Variants in BDP1 observed in about 807,000 individuals in gnomAD.
The protein encoded by BDP1 is transcription factor TFIIIB component B'' homolog.
A neutral mutation model predicts 266.6 loss-of-function variants in BDP1; 169 were observed. The ratio of observed to expected loss-of-function variants is 0.63; its 90% CI spans 0.56 to 0.72. BDP1 has a LOEUF of 0.72. BDP1 is among the 30% of genes least tolerant of loss of function. The pLI, the probability that BDP1 is intolerant of heterozygous loss-of-function variation, is 0.00. For missense variants in BDP1, 3,015 were observed against 3,053.8 expected (o/e 0.99, Z 0.30); for synonymous variants, 1,090 against 1,022.4 (o/e 1.07, Z -1.26).
At chr5:71,559,425 ACTCT>A (rs978733337) in intron 36 of BDP1, among the ~76,000 whole-genome samples, 5 of 152,108 alleles carry the variant, frequency 3.3e-5, no homozygotes, top group East Asian at 1.9e-4. Context: ...GAGCTAAAAC[ACTCT>A]CTCTGAGAAC....
intron 38 of BDP1, chr5:71,562,881 T>C: frequency 1.5e-6 from 2 of 1,290,704 alleles, no homozygotes; most frequent in Non-Finnish European, 2.0e-6. Flanking sequence ...CTATGTCTCC[T>C]GAAGCTGTCC....
chr5:71,455,787 G>A lies in BDP1; in HGVS notation c.-91G>A. ...CTGGTGGTGTGGCTTTGTGGGGAGG[G>A]CGTAGTTCCTAATCCCCTTTCCGGG... On this transcript the variant is annotated 5_prime_UTR_variant, in exon 1 of 39. Coordinates refer to ENST00000358731, the MANE Select transcript of BDP1 (RefSeq NM_018429.3). 2 of 1,088,124 alleles carry A rather than the reference G, an allele frequency of 1.8e-6. No individual in the cohort carries two copies. Among genetic ancestry groups the A allele is most frequent in the Non-Finnish European group, 2.6e-6 (2 of 759,204 alleles). The allele number at this position is 1,088,124 out of a possible 1,614,324, so 67.4% of individuals were successfully genotyped here.
rs375702700 is a variant in BDP1 at position 71,464,154 on chromosome 5, A to G, written c.659+37A>G. 1.5e-5 allele frequency: 19 copies of G among 1,271,112 alleles called. No homozygotes were observed. In the African/African-American group the frequency reaches 1.8e-4, roughly 12 times the overall value. The allele number at this position is 1,271,112 out of a possible 1,614,324, so 78.7% of individuals were successfully genotyped here. ...ATTTTTGAATATATTCTATTCCTAC[A>G]TTTTTTAAGAAATGAGATCAAATGG... On this transcript the variant is annotated intron_variant, in intron 4 of 38. Coordinates refer to ENST00000358731, the MANE Select transcript of BDP1 (RefSeq NM_018429.3).
At chr5:71,499,994 T>G (rs1259369854) in intron 13 of BDP1, among the ~76,000 whole-genome samples, 3 of 152,202 alleles carry the variant, frequency 2.0e-5, no homozygotes, top group Admixed American at 6.5e-5. Context: ...TCCTGAATTG[T>G]TATGCATTGT....
At chr5:71,562,952 T>C (rs1242648945) in intron 38 of BDP1, 2 of 1,195,360 alleles carry the variant, frequency 1.7e-6, no homozygotes, top group Non-Finnish European at 2.1e-6. Context: ...GTAAAAATAT[T>C]GGGGTGACTT....
At position 71,524,137 on chromosome 5, in the gene BDP1, G is replaced by A. The variant is rs751771294; in HGVS notation, c.5586G>A (p.Lys1862=). 9.9e-6 allele frequency: 16 copies of A among 1,614,172 alleles called. No homozygotes were observed. Among genetic ancestry groups the A allele is most frequent in the Non-Finnish European group, 1.4e-5 (16 of 1,180,028 alleles). ...CTAAGAAGGAACCTAGAGCTTCCAAGGCCATGCTGGTGACTCTTCGGGCTT... is the reference window on the plus strand; with the variant it reads ...CTAAGAAGGAACCTAGAGCTTCCAAAGCCATGCTGGTGACTCTTCGGGCTT... ...KTSKKEPRAS[K]AMLVTLRASQ... is the part of the protein sequence containing the mutation. Residue 1862 remains lysine, a synonymous_variant, in exon 25 of 39, where the codon AAG becomes AAA. Transcript: ENST00000358731.
In BDP1 at chr5:71,524,330, T is replaced by C. The variant is rs764920414; in HGVS notation, c.5772+7T>C. 6.4e-7 allele frequency: 1 copy of C among 1,559,904 alleles called. No homozygotes were observed. Among genetic ancestry groups the C allele is most frequent in the Non-Finnish European group, 8.7e-7 (1 of 1,151,260 alleles). On this transcript the variant is annotated splice_region_variant and intron_variant, in intron 25 of 38. Transcript: ENST00000358731. ...TGAGGAAACAATGGAAGAGGTTCGGTTTTTTTTTAAAACCTTGGTACTTTA... is the reference window on the plus strand; with the variant it reads ...TGAGGAAACAATGGAAGAGGTTCGGCTTTTTTTTAAAACCTTGGTACTTTA...
chr5:71,553,917 A>T (rs755798302), intron 35 of BDP1, among the ~76,000 whole-genome samples: 2 of 152,228 alleles, frequency 1.3e-5, no homozygotes, highest in Admixed American at 6.5e-5. Context: ...CTTGAAAAAC[A>T]TACAGACTTC....
chr5:71,536,278 T>C (rs1766591928), intron 26 of BDP1, among the ~76,000 whole-genome samples: 1 of 152,238 alleles, frequency 6.6e-6, no homozygotes, highest in African/African-American at 2.4e-5. Flanking sequence ...CTGGTGACTT[T>C]CCAGCTTAAA....
rs146193245 is a variant in BDP1 at position 71,543,377 on chromosome 5, C to T, written c.6413-980C>T. On this transcript the variant is annotated intron_variant, in intron 30 of 38. Transcript: ENST00000358731. ...TTGGGAGGCAGAGGCAGGAAGATCACGTGAGCCCAGGAGTTTTGAGACCAG... is the reference window on the plus strand; with the variant it reads ...TTGGGAGGCAGAGGCAGGAAGATCATGTGAGCCCAGGAGTTTTGAGACCAG... Among the ~76,000 whole-genome samples, 951 of 152,276 alleles carry T rather than the reference C, an allele frequency of 6.2e-3. 15 individuals carry two copies. The highest frequency in any genetic ancestry group is 0.022 in the African/African-American group (908 of 41,550).
At chr5:71,480,296 T>A (rs138050484) in intron 7 of BDP1, among the ~76,000 whole-genome samples, 14 of 86,992 alleles carry the variant, frequency 1.6e-4, no homozygotes, top group South Asian at 4.2e-4. Flanking sequence ...TTTTTTTTTT[T>A]TTTTTTTTTT....
chr5:71,524,456 C>A, intron 25 of BDP1, 133 bp downstream of exon 25: 1 of 1,008,098 alleles, frequency 9.9e-7, no homozygotes, highest in Non-Finnish European at 1.4e-6. Flanking sequence ...TAACCTCTAC[C>A]AAATATAATT....
In BDP1 at chr5:71,510,441, G is replaced by T. The variant is rs1764845725; in HGVS notation, c.3349G>T (p.Asp1117Tyr). The T allele has an allele frequency of 6.2e-7, 1 of 1,613,812 alleles. No individual in the cohort carries two copies. Among genetic ancestry groups the T allele is most frequent in the South Asian group, 1.1e-5 (1 of 91,064 alleles). ...EVKPLGEMQTDLKATGREISP... is the reference protein window; with the variant it reads ...EVKPLGEMQTYLKATGREISP... The stretch of plus-strand genomic sequence containing the variant: ...TAAGCCTCTAGGTGAAATGCAAACA[G>T]ATTTGAAAGCAACCGGAAGGGAGAT... Residue 1117 changes from aspartate to tyrosine, a missense_variant, in exon 17 of 39, where the codon GAT (aspartate) becomes TAT (tyrosine). This residue lies in a region of BDP1 where 2,383 missense variants were observed against 2,404.9 expected (regional missense o/e 0.99). Coordinates refer to ENST00000358731, the MANE Select transcript of BDP1 (RefSeq NM_018429.3).
chr5:71,554,867 G>A (rs1743107843), intron 35 of BDP1, among the ~76,000 whole-genome samples: 1 of 151,998 alleles, frequency 6.6e-6, no homozygotes. Flanking sequence ...TAGAATAATT[G>A]CATTATACTT....
At position 71,456,022 on chromosome 5, in the gene BDP1, G is replaced by A. The variant is rs1479235744; in HGVS notation, c.145G>A (p.Glu49Lys). 4 of 1,613,408 alleles carry A rather than the reference G, an allele frequency of 2.5e-6. No individual in the cohort carries two copies. The highest frequency in any genetic ancestry group is 1.3e-5 in the African/African-American group (1 of 74,954). ...PATDSASKPA[E>K]PTDVPTVDFG... ...CACGGACTCTGCTTCCAAGCCCGCG[G>A]AGCCCACAGATGTGCCCACAGTCGA... The change falls in exon 1 of 39, where the codon GAG (glutamate) becomes AAG (lysine). Residue 49 changes from glutamate to lysine, a missense_variant. This residue lies in a region of BDP1 where 2,383 missense variants were observed against 2,404.9 expected (regional missense o/e 0.99). Coordinates refer to ENST00000358731, the MANE Select transcript of BDP1 (RefSeq NM_018429.3).
chr5:71,525,234 C>T (rs1391035503), intron 25 of BDP1, among the ~76,000 whole-genome samples: 10 of 151,190 alleles, frequency 6.6e-5, no homozygotes, highest in African/African-American at 2.4e-4. Context: ...CCCCTCACCT[C>T]CCGGATGGGG....
chr5:71,485,478 A>G (rs758463751), intron 8 of BDP1, among the ~76,000 whole-genome samples: 1 of 152,202 alleles, frequency 6.6e-6, no homozygotes, highest in Non-Finnish European at 1.5e-5. Flanking sequence ...AGTCTGGGTC[A>G]ACAGTGAAAT....
At chr5:71,569,095 T>C (rs1239343755), downstream of BDP1, among the ~76,000 whole-genome samples, 2 of 152,210 alleles carry the variant, frequency 1.3e-5, no homozygotes, top group Admixed American at 6.5e-5. Context: ...TGATAACTTA[T>C]TGTCATTCCC....
At chr5:71,497,149 G>T (rs1763945082) in intron 12 of BDP1, 121 bp from the exon 13 acceptor site, 1 of 782,524 alleles carries the variant, frequency 1.3e-6, no homozygotes, top group Non-Finnish European at 2.0e-6. Flanking sequence ...AGTTTTCTTT[G>T]CTACTCTTGT....
Sources: allele counts gnomAD v4.1 joint callset (sites outside exome capture counted in the v4.1 genomes callset), GRCh38; gene constraint gnomAD v4.1.1; regional missense constraint gnomAD v4.1.1; transcripts MANE v1.5; gene names NCBI Gene and HGNC (gene_info 2026-07-23, HGNC 2026-07-21).